Variants in ZSCAN9 observed in about 807,000 individuals in gnomAD.
ZSCAN9 encodes the protein zinc finger and SCAN domain-containing protein 9.
A neutral mutation model predicts 23.0 loss-of-function variants in ZSCAN9; 19 were observed. The ratio of observed to expected loss-of-function variants is 0.83; its 90% CI spans 0.58 to 1.21. ZSCAN9 has a LOEUF of 1.21. ZSCAN9 is among the 50% of genes most tolerant of loss of function. The pLI is 0.00. For missense variants in ZSCAN9, 467 were observed against 471.5 expected (o/e 0.99, Z 0.09); for synonymous variants, 155 against 164.8 (o/e 0.94, Z 0.46).
chr6:28,233,075 CAG>C lies in ZSCAN9; in HGVS notation c.1083_1084del (p.Glu363AlafsTer7), dbSNP rs764249012. Reference sequence around the variant, plus strand: ...CTCATTGAACATCAGAGAAGCCACACAGGGGAGCGACCTCACCAGTGCATTGA... The same window carrying C: ...CTCATTGAACATCAGAGAAGCCACACGGGAGCGACCTCACCAGTGCATTGA... On this transcript the variant is annotated frameshift_variant, in exon 4 of 4. Transcript: ENST00000252207. LOFTEE classifies it low-confidence loss of function (END_TRUNC). 6.4e-5 allele frequency: 103 copies of C among 1,614,022 alleles called. No individual in the cohort carries two copies. Among genetic ancestry groups the C allele is most frequent in the Admixed American group, 8.3e-5 (5 of 60,012 alleles).
At chr6:28,229,670 C>G (rs1760230702) in intron 3 of ZSCAN9, among the ~76,000 whole-genome samples, 1 of 152,094 alleles carries the variant, frequency 6.6e-6, no homozygotes, top group African/African-American at 2.4e-5. Flanking sequence ...AATAGGTAAG[C>G]TTGAGTTTCT....
chr6:28,229,630 G>A (rs563540154), intron 3 of ZSCAN9, among the ~76,000 whole-genome samples: 48 of 152,244 alleles, frequency 3.2e-4, no homozygotes, highest in African/African-American at 1.1e-3. Flanking sequence ...TCAAGTTCCA[G>A]CTTTTCAAAT....
chr6:28,230,455 G>T (rs1233137284), intron 3 of ZSCAN9: 2 of 1,535,926 alleles, frequency 1.3e-6, no homozygotes, highest in African/African-American at 1.4e-5. Context: ...AGGAGGAGGA[G>T]AAACATGGCC....
At chr6:28,231,164 CAAT>C (rs1760291665) in intron 3 of ZSCAN9, among the ~76,000 whole-genome samples, 1 of 152,074 alleles carries the variant, frequency 6.6e-6, no homozygotes, top group Non-Finnish European at 1.5e-5. Flanking sequence ...AGATTAACAA[CAAT>C]AACTAATAAT....
Position 28,225,298 on chromosome 6 carries a change from T to C in ZSCAN9, c.-142T>C, listed in dbSNP as rs1760083383. 6.6e-6 allele frequency: 1 copy of C among 152,104 alleles called. No homozygotes were observed. The highest frequency in any genetic ancestry group is 2.1e-4 in the South Asian group (1 of 4,822). The allele number at this position is 152,104 out of a possible 1,614,324, so 9.4% of individuals were successfully genotyped here. On this transcript the variant is annotated 5_prime_UTR_variant, in exon 1 of 4. Coordinates refer to ENST00000252207, the MANE Select transcript of ZSCAN9 (RefSeq NM_006299.5). ...GCATCTTTGTTCCCTGCCCGGCCAT[T>C]GTTCGTGCCGCGCTTCTAGCAACGC...
At chr6:28,228,256 C>T (rs1057014858) in intron 3 of ZSCAN9, 5 of 566,404 alleles carry the variant, frequency 8.8e-6, no homozygotes, top group South Asian at 2.5e-5. Context: ...AGTCTACTTG[C>T]GCTGCCTTAA....
rs1760132280 is a variant in ZSCAN9, at chr6:28,227,079, G to A, written c.-6G>A. On this transcript the variant is annotated 5_prime_UTR_variant, in exon 2 of 4. Transcript: ENST00000252207. ...GAGGGTACCTTTTAAGCTGTTCAAG[G>A]TCAAGATGAATACAAACTCAAAGGA... The A allele has an allele frequency of 2.5e-6, 4 of 1,611,488 alleles. No homozygotes were observed. Among genetic ancestry groups the A allele is most frequent in the Non-Finnish European group, 3.4e-6 (4 of 1,178,558 alleles).
At position 28,232,609 on chromosome 6, in the gene ZSCAN9, T is replaced by C. The variant is rs1760345181; in HGVS notation, c.616T>C (p.Cys206Arg). 1 of 1,614,168 alleles carries C rather than the reference T, an allele frequency of 6.2e-7. No individual in the cohort carries two copies. Among genetic ancestry groups the C allele is most frequent in the Non-Finnish European group, 8.5e-7 (1 of 1,180,012 alleles). Residue 206 changes from cysteine to arginine, a missense_variant, in exon 4 of 4, where the codon TGT becomes CGT. Cys to Arg is a radical substitution (Grantham distance 180). Transcript: ENST00000252207. Reference sequence around the variant, plus strand: ...CAGAGAGTTGGTGCTAAGGAAAGACTGTCCTAAGATAGTGGAACCACATGG... The same window carrying C: ...CAGAGAGTTGGTGCTAAGGAAAGACCGTCCTAAGATAGTGGAACCACATGG... ...EDRELVLRKD[C>R]PKIVEPHGKM...
At chr6:28,226,676 C>T (rs903634616) in intron 1 of ZSCAN9, among the ~76,000 whole-genome samples, 1 of 152,036 alleles carries the variant, frequency 6.6e-6, no homozygotes, top group Non-Finnish European at 1.5e-5. Flanking sequence ...TGACGTAATC[C>T]CAGCACTTTG....
Position 28,232,789 on chromosome 6 carries a change from A to C in ZSCAN9, c.796A>C (p.Ser266Arg). The change falls in exon 4 of 4, where the codon AGC becomes CGC. Residue 266 changes from serine (S) to arginine (R), a missense_variant. Transcript: ENST00000252207. The stretch of plus-strand genomic sequence containing the variant: ...TGAATGTGGGAAGAGCTTTACTCAG[A>C]GCTCAGGTCTCATTCGACATCAAAG... ...CDECGKSFTQ[S>R]SGLIRHQRIH... is the part of the protein sequence containing the mutation. 3 of 1,614,226 alleles carry C rather than the reference A, an allele frequency of 1.9e-6. No individual in the cohort carries two copies. Among genetic ancestry groups the C allele is most frequent in the Non-Finnish European group, 2.5e-6 (3 of 1,180,042 alleles).
rs774882653 is a variant in ZSCAN9, at chr6:28,233,118, T to C, written c.1125T>C (p.Phe375=). Residue 375 remains phenylalanine, a synonymous_variant, in exon 4 of 4, where the codon TTT becomes TTC. Coordinates refer to ENST00000252207, the MANE Select transcript of ZSCAN9 (RefSeq NM_006299.5). ...PHQCIECGKS[F]NRHCNLIRHQ... is the part of the protein sequence containing the mutation. ...AGTGCATTGAATGTGGGAAAAGCTTTAATCGACACTGCAACCTCATTCGCC... is the reference window on the plus strand; with the variant it reads ...AGTGCATTGAATGTGGGAAAAGCTTCAATCGACACTGCAACCTCATTCGCC... 8.7e-6 allele frequency: 14 copies of C among 1,614,174 alleles called. No individual in the cohort carries two copies. The highest frequency in any genetic ancestry group is 2.5e-6 in the Non-Finnish European group (3 of 1,180,036).
At chr6:28,231,587 A>T (rs1760302223) in intron 3 of ZSCAN9, among the ~76,000 whole-genome samples, 1 of 152,206 alleles carries the variant, frequency 6.6e-6, no homozygotes, top group Non-Finnish European at 1.5e-5. Flanking sequence ...TCTACTAAAA[A>T]TACAAACAAA....
In ZSCAN9 at chr6:28,232,959, T is replaced by TG. The variant is rs1206183618; in HGVS notation, c.967dup (p.Ala323GlyfsTer23). 5 of 1,613,558 alleles carry TG rather than the reference T, an allele frequency of 3.1e-6. No individual in the cohort carries two copies. Among genetic ancestry groups the TG allele is most frequent in the Admixed American group, 3.3e-5 (2 of 59,940 alleles). ...AGTGTGGGAAGGTCTTCAGTCAGAG[T>TG]GCGGGTCTTATCCAGCATCAGAGAA... On this transcript the variant is annotated frameshift_variant, in exon 4 of 4. Transcript: ENST00000252207. LOFTEE classifies it low-confidence loss of function (END_TRUNC).
intron 2 of ZSCAN9, 26 bp from the exon 3 acceptor site, chr6:28,227,664 G>A (rs748329987): frequency 2.5e-6 from 4 of 1,582,842 alleles, no homozygotes; most frequent in Non-Finnish European, 3.4e-6. Context: ...TTCTTCAAAA[G>A]TCAAATCTTG....
Position 28,233,224 on chromosome 6 carries a change from G to A in ZSCAN9, c.*46G>A. ...TTCCAGATCACCACCCAAGTTGTGT[G>A]GGGCAGGTTGAGACTAGAAAATGCC... On this transcript the variant is annotated 3_prime_UTR_variant, in exon 4 of 4. Transcript: ENST00000252207. 1 of 1,570,974 alleles carries A rather than the reference G, an allele frequency of 6.4e-7. No individual in the cohort carries two copies. Among genetic ancestry groups the A allele is most frequent in the Non-Finnish European group, 8.6e-7 (1 of 1,159,062 alleles).
In ZSCAN9 at chr6:28,232,721, G is replaced by A. The variant is rs754445203; in HGVS notation, c.728G>A (p.Arg243Lys). 1 of 1,614,212 alleles carries A rather than the reference G, an allele frequency of 6.2e-7. No homozygotes were observed. The change falls in exon 4 of 4, where the codon AGG becomes AAG. Residue 243 changes from arginine (R) to lysine (K), a missense_variant. Physicochemically the swap from Arg to Lys is conservative, Grantham distance 26. Transcript: ENST00000252207. ...GGTGAACATAAGGATAGGATAGAGAGGCAGTGGGGAAACCTCTTAGGAGAG... is the reference window on the plus strand; with the variant it reads ...GGTGAACATAAGGATAGGATAGAGAAGCAGTGGGGAAACCTCTTAGGAGAG... ...EVGEHKDRIE[R>K]QWGNLLGEGQ...
Position 28,233,207 on chromosome 6 carries a change from C to A in ZSCAN9, c.*29C>A. On this transcript the variant is annotated 3_prime_UTR_variant, in exon 4 of 4. Coordinates refer to ENST00000252207, the MANE Select transcript of ZSCAN9 (RefSeq NM_006299.5). ...TTGGCTATGAGCAAGTTTTCCAGATCACCACCCAAGTTGTGTGGGGCAGGT... is the reference window on the plus strand; with the variant it reads ...TTGGCTATGAGCAAGTTTTCCAGATAACCACCCAAGTTGTGTGGGGCAGGT... 6.3e-7 allele frequency: 1 copy of A among 1,596,530 alleles called. No homozygotes were observed. The highest frequency in any genetic ancestry group is 1.1e-5 in the South Asian group (1 of 88,994).
In ZSCAN9 at chr6:28,227,835, C is replaced by G; in HGVS notation, c.566C>G (p.Thr189Arg). ...CAGAAGTGCCATTCTATTGGAGAGA[C>G]AGGTGAGGGACAGCATTTATTTGAT... Reference protein sequence around the residue: ...SAQKCHSIGETDEVTKTEDRE... With the variant: ...SAQKCHSIGERDEVTKTEDRE... Residue 189 changes from threonine to arginine, a missense_variant and splice_region_variant, in exon 3 of 4, where the codon ACA (threonine) becomes AGA (arginine). Physicochemically the swap from Thr to Arg is moderately conservative, Grantham distance 71. Coordinates refer to ENST00000252207, the MANE Select transcript of ZSCAN9 (RefSeq NM_006299.5). The G allele has an allele frequency of 6.2e-7, 1 of 1,613,328 alleles. No individual in the cohort carries two copies. The highest frequency in any genetic ancestry group is 8.5e-7 in the Non-Finnish European group (1 of 1,179,802).
At position 28,227,486 on chromosome 6, in the gene ZSCAN9, C is replaced by T. The variant is rs767582693; in HGVS notation, c.402C>T (p.Leu134=). 6 of 1,599,550 alleles carry T rather than the reference C, an allele frequency of 3.8e-6. No individual in the cohort carries two copies. The highest frequency in any genetic ancestry group is 4.3e-6 in the Non-Finnish European group (5 of 1,173,410). The change falls in exon 2 of 4, where the codon CTC becomes CTT. Residue 134 remains leucine (L), a synonymous_variant. Coordinates refer to ENST00000252207, the MANE Select transcript of ZSCAN9 (RefSeq NM_006299.5). The part of the protein sequence containing the change: ...VILLEDLERE[L]DEPQHEMVAH... Reference sequence around the variant, plus strand: ...TGCTGGAGGATCTGGAGAGAGAGCTCGATGAACCACAACATGAGGTAGGAA... The same window carrying T: ...TGCTGGAGGATCTGGAGAGAGAGCTTGATGAACCACAACATGAGGTAGGAA...
Sources: allele counts gnomAD v4.1 joint callset (sites outside exome capture counted in the v4.1 genomes callset), GRCh38; gene constraint gnomAD v4.1.1; transcripts MANE v1.5; gene names NCBI Gene and HGNC (gene_info 2026-07-23, HGNC 2026-07-21).